Variants in FAM83A observed in about 807,000 individuals in gnomAD.
The protein encoded by FAM83A is protein FAM83A.
Under a neutral mutation model 24.4 loss-of-function variants are expected in FAM83A, and 21 were observed. That is an observed-to-expected ratio of 0.86 (90% CI 0.61 to 1.24). The LOEUF (loss-of-function observed/expected upper bound fraction) is 1.24, where lower values mean the gene tolerates loss of function less well. Ranked by LOEUF, FAM83A falls within the 50% of genes most tolerant of loss-of-function variation. The probability of loss-of-function intolerance (pLI) is 0.00; values close to 1 mark genes in which losing one functional copy is unlikely to be tolerated. For synonymous variants in FAM83A, 270 were observed against 252.4 expected, an observed-to-expected ratio of 1.07 and a Z score of -0.66; for missense variants, 617 against 579.8, an observed-to-expected ratio of 1.06 and a Z score of -0.66.
chr8:123,184,348 C>T (rs1374514563), intron 1 of FAM83A, among the ~76,000 whole-genome samples: 1 of 152,130 alleles, frequency 6.6e-6, no homozygotes, highest in African/African-American at 2.4e-5. Flanking sequence ...ACCTTTGCCC[C>T]TTCTCCTCTC....
chr8:123,207,810 G>A, exon 4 of FAM83A: 1 of 1,403,392 alleles, frequency 7.1e-7, no homozygotes, highest in Non-Finnish European at 9.2e-7. Flanking sequence ...CAAAATCACT[G>A]CCATGGTTCA....
chr8:123,201,440 T>A (rs1010552800), intron 3 of FAM83A: 1 of 152,214 alleles, frequency 6.6e-6, no homozygotes. Context: ...CTGAGAGCTG[T>A]GGAGGAGCCA....
chr8:123,189,814 C>T (rs568274159), intron 1 of FAM83A, among the ~76,000 whole-genome samples: 7 of 152,146 alleles, frequency 4.6e-5, no homozygotes, highest in Non-Finnish European at 7.3e-5. Context: ...CAAGCTGTGC[C>T]CCGACCACCT....
At chr8:123,210,044 A>G (rs754006921) in exon 4 of FAM83A, 14 of 163,680 alleles carry the variant, frequency 8.6e-5, no homozygotes, top group Non-Finnish European at 1.8e-4. Context: ...ATGGATATGT[A>G]GTGAGCAAGA....
intron 3 of FAM83A, among the ~76,000 whole-genome samples, chr8:123,195,837 T>C (rs1485679141): frequency 6.6e-6 from 1 of 152,164 alleles, no homozygotes; most frequent in African/African-American, 2.4e-5. Flanking sequence ...ATGACCTAAT[T>C]ATGCCCCAAA....
intron 3 of FAM83A, among the ~76,000 whole-genome samples, chr8:123,195,993 C>T (rs183485168): frequency 3.9e-4 from 59 of 152,346 alleles, no homozygotes; most frequent in Non-Finnish European, 2.1e-4. Context: ...TTAAGTGTGT[C>T]TTTTGTGAAC....
At chr8:123,206,793 A>C (rs1824564857) in intron 3 of FAM83A, among the ~76,000 whole-genome samples, 1 of 152,114 alleles carries the variant, frequency 6.6e-6, no homozygotes, top group Non-Finnish European at 1.5e-5. Context: ...TGAGCCCAAG[A>C]GGAGGGGCAG....
chr8:123,183,201 G>C (rs749264037), exon 1 of FAM83A: 2 of 1,613,446 alleles, frequency 1.2e-6, no homozygotes, highest in African/African-American at 2.7e-5. Flanking sequence ...GCAGCGAGCC[G>C]GCCCTACTGC....
chr8:123,181,249 G>A (rs1374701698), upstream of FAM83A, among the ~76,000 whole-genome samples: 1 of 152,126 alleles, frequency 6.6e-6, no homozygotes, highest in Admixed American at 6.6e-5. Context: ...ACCCAGCCGC[G>A]CCACACTTTA....
exon 4 of FAM83A, chr8:123,208,939 G>A (rs1824647891): frequency 4.1e-6 from 4 of 984,710 alleles, no homozygotes; most frequent in Non-Finnish European, 3.6e-6. Context: ...ACTCCAGCAT[G>A]GGCAACAAAG....
At chr8:123,198,349 G>A in intron 3 of FAM83A, among the ~76,000 whole-genome samples, 1 of 152,116 alleles carries the variant, frequency 6.6e-6, no homozygotes, top group Non-Finnish European at 1.5e-5. Flanking sequence ...GAAAAAAGGA[G>A]AAGGCCTGGG....
In FAM83A at chr8:123,209,647, A is replaced by C. The variant is rs1313002008; in HGVS notation, c.*1959A>C. 1 of 1,305,200 alleles carries C rather than the reference A, an allele frequency of 7.7e-7. No individual in the cohort carries two copies. Among genetic ancestry groups the C allele is most frequent in the East Asian group, 2.5e-5 (1 of 40,284 alleles). 80.9% of individuals were successfully genotyped at this position (1,305,200 alleles called of 1,614,324 possible). ...CCAGGTCACAGAAGCTCCCAAGCCC[A>C]GCTTTCCAAAGGCCTCAGCCTGTGC... On this transcript the variant is annotated 3_prime_UTR_variant, in exon 4 of 4. Coordinates refer to ENST00000690554, the Ensembl canonical transcript of FAM83A. This position sits in a 1 kb window ranked among gnomAD's most constrained non-coding sequence, Gnocchi z 4.7.
At chr8:123,182,053 C>T (rs1250967971), upstream of FAM83A, 3 of 456,304 alleles carry the variant, frequency 6.6e-6, no homozygotes, top group Admixed American at 4.7e-5. Context: ...CCCCTGGGCT[C>T]GTGGGCCGCC....
At chr8:123,191,804 T>C in exon 2 of FAM83A, 1 of 1,613,604 alleles carries the variant, frequency 6.2e-7, no homozygotes, top group Non-Finnish European at 8.5e-7. Flanking sequence ...CTGGCCCAGG[T>C]CCTGGTCATC....
intron 1 of FAM83A, among the ~76,000 whole-genome samples, chr8:123,185,830 G>A (rs1364187910): frequency 6.6e-6 from 1 of 152,100 alleles, no homozygotes; most frequent in African/African-American, 2.4e-5. Context: ...TCACTCTGTC[G>A]CCCAGGCTGG....
chr8:123,183,454 C>A, intron 1 of FAM83A, 118 bp downstream of exon 1: 1 of 1,434,322 alleles, frequency 7.0e-7, no homozygotes, highest in Non-Finnish European at 9.3e-7. Context: ...ATTGGGGCTT[C>A]GGATGGAGGG....
At chr8:123,197,860 T>G (rs1205294040) in intron 3 of FAM83A, among the ~76,000 whole-genome samples, 2 of 152,246 alleles carry the variant, frequency 1.3e-5, no homozygotes, top group Non-Finnish European at 2.9e-5. Flanking sequence ...CCGGGTGCAG[T>G]GGCTCACGCC....
chr8:123,203,174 A>G (rs541249945), intron 3 of FAM83A, among the ~76,000 whole-genome samples: 2 of 152,282 alleles, frequency 1.3e-5, no homozygotes, highest in South Asian at 4.1e-4. Flanking sequence ...GTTGAAAATA[A>G]ACTAAAACTC....
At chr8:123,182,747 C>T (rs1823636758) in exon 1 of FAM83A, 12 of 1,463,964 alleles carry the variant, frequency 8.2e-6, no homozygotes, top group African/African-American at 5.6e-5. Context: ...GAGCAGGCGG[C>T]CTCCCGGGGG....
Sources: gnomAD v4.1 joint callset for allele counts (sites outside exome capture counted in the v4.1 genomes callset) on GRCh38, gnomAD v4.1.1 for gene constraint, Gnocchi (gnomAD v3.1) non-coding constraint, MANE v1.5 for transcripts, NCBI Gene and HGNC (gene_info 2026-07-23, HGNC 2026-07-21) for gene names.